The following ZCCHC8 variants were observed in gnomAD, a reference collection of about 807,000 sequenced individuals.
ZCCHC8 encodes the protein zinc finger CCHC domain-containing protein 8.
ZCCHC8 carries 27 observed loss-of-function variants against 70.6 expected under a neutral mutation model. The observed-to-expected ratio is 0.38, with a 90% CI of 0.28 to 0.53. The LOEUF is 0.53. Ranked by LOEUF, ZCCHC8 falls within the 20% of genes least tolerant of loss-of-function variation. The probability of loss-of-function intolerance (pLI) is 0.81; values close to 1 mark genes in which losing one functional copy is unlikely to be tolerated. For synonymous variants in ZCCHC8, 293 were observed against 317.4 expected (o/e 0.92, Z 0.82); for missense variants, 737 against 876.9 (o/e 0.84, Z 2.01).
intron 2 of ZCCHC8, among the ~76,000 whole-genome samples, chr12:122,497,366 G>GC (rs947774147): frequency 4.0e-5 from 6 of 151,000 alleles, no homozygotes; most frequent in Non-Finnish European, 8.9e-5. Context: ...ACATGGTGAA[G>GC]CCCCATCTCT....
In ZCCHC8 at chr12:122,500,594, C is replaced by G; in HGVS notation, c.199+48G>C. 6.6e-7 allele frequency: 1 copy of G among 1,518,004 alleles called. No individual in the cohort carries two copies. 94.0% of individuals were successfully genotyped at this position (1,518,004 alleles called of 1,614,324 possible). On this transcript the variant is annotated intron_variant, in intron 1 of 13. Transcript: ENST00000633063. This position sits in a 1 kb window ranked among gnomAD's most constrained non-coding sequence, Gnocchi z 4.8. The stretch of plus-strand genomic sequence containing the variant: ...TGCCCCGGCCCCACGCCTGGCGCTG[C>G]CCCGGCCCCACACCCGGGTGACAGG...
At chr12:122,484,009 T>C (rs1431256073) in intron 5 of ZCCHC8, 1 of 164,430 alleles carries the variant, frequency 6.1e-6, no homozygotes, top group African/African-American at 2.4e-5. Context: ...GAATACCCAA[T>C]GTATCCTTCA....
At chr12:122,484,981 C>T (rs1409222249) in intron 5 of ZCCHC8, among the ~76,000 whole-genome samples, 1 of 152,162 alleles carries the variant, frequency 6.6e-6, no homozygotes, top group East Asian at 1.9e-4. Flanking sequence ...TCTTCTCATC[C>T]CTCTATCTTC....
chr12:122,498,060 CATT>C (rs1957854979), intron 2 of ZCCHC8, among the ~76,000 whole-genome samples: 1 of 151,832 alleles, frequency 6.6e-6, no homozygotes, highest in African/African-American at 2.4e-5. Flanking sequence ...TTCAAAAGCA[CATT>C]ACTTTTTCTT....
At chr12:122,478,345 T>C in intron 11 of ZCCHC8, 53 bp from the exon 12 acceptor site, 1 of 1,380,038 alleles carries the variant, frequency 7.2e-7, no homozygotes, top group South Asian at 1.3e-5. Flanking sequence ...GAAAATGTCA[T>C]GTTTTGAGAT....
In ZCCHC8 at chr12:122,486,922, C is replaced by T. The variant is rs376709089; in HGVS notation, c.501+2464G>A. ...GCTTTGCCACTCACTAACCCACTGG[C>T]GAGTTACTTAGCTTTCCACCTGTTT... On this transcript the variant is annotated intron_variant, in intron 5 of 13. Transcript: ENST00000633063. Among the ~76,000 whole-genome samples, 13 of 152,298 alleles carry T rather than the reference C, an allele frequency of 8.5e-5. No homozygotes were observed. The East Asian group carries it at 2.1e-3, about 25-fold the overall frequency.
intron 2 of ZCCHC8, among the ~76,000 whole-genome samples, chr12:122,496,874 C>T (rs1346259398): frequency 3.9e-5 from 6 of 152,120 alleles, no homozygotes; most frequent in South Asian, 2.1e-4. Flanking sequence ...TGGCCGGGTG[C>T]GGTGGCTCCT....
chr12:122,499,448 A>G (rs950611662), intron 1 of ZCCHC8: 1 of 154,392 alleles, frequency 6.5e-6, no homozygotes, highest in Non-Finnish European at 1.4e-5. Context: ...TTGTATTTTT[A>G]GTAGAGACGG....
rs1957350967 is a variant in ZCCHC8 at position 122,473,470 on chromosome 12, A to G, written c.*27T>C. 1.9e-6 allele frequency: 3 copies of G among 1,601,170 alleles called. No homozygotes were observed. The highest frequency in any genetic ancestry group is 2.6e-6 in the Non-Finnish European group (3 of 1,173,478). On this transcript the variant is annotated 3_prime_UTR_variant, in exon 14 of 14. Transcript: ENST00000633063. ...ACTAATTAACGGAACAAAGTTATTA[A>G]ATAGCTCTCAGTGCTAAGTCAAGCC... is the stretch of plus-strand genomic sequence containing the variant.
rs566817171 is a variant in ZCCHC8 at position 122,481,470 on chromosome 12, A to T, written c.1018+52T>A. 1.4e-4 allele frequency: 100 copies of T among 734,636 alleles called. No homozygotes were observed. The African/African-American group carries it at 4.3e-3, about 31-fold the overall frequency. The allele number at this position is 734,636 out of a possible 1,614,324, so 45.5% of individuals were successfully genotyped here. Reference sequence around the variant, plus strand: ...CACATTTTGTTGTGATTCTTTAATTAAAAAAAAAAAGGAAACACTTAAGGT... The same window carrying T: ...CACATTTTGTTGTGATTCTTTAATTTAAAAAAAAAAGGAAACACTTAAGGT... On this transcript the variant is annotated intron_variant, in intron 10 of 13. Transcript: ENST00000633063.
chr12:122,473,787 C>CT lies in ZCCHC8; in HGVS notation c.1833dup (p.Ala612SerfsTer9). 1 of 1,613,118 alleles carries CT rather than the reference C, an allele frequency of 6.2e-7. No homozygotes were observed. The highest frequency in any genetic ancestry group is 8.5e-7 in the Non-Finnish European group (1 of 1,179,336). On this transcript the variant is annotated frameshift_variant, in exon 14 of 14. Coordinates refer to ENST00000633063, the MANE Select transcript of ZCCHC8 (RefSeq NM_017612.5). LOFTEE classifies it low-confidence loss of function (END_TRUNC). ...TCAGTGTTTACCGGAGCCAACTCTG[C>CT]TTTTTCCTTCTGACAAAGTGATGTC... is the stretch of plus-strand genomic sequence containing the variant.
Position 122,477,828 on chromosome 12 carries a change from G to C in ZCCHC8, c.1345+13C>G. On this transcript the variant is annotated intron_variant, in intron 13 of 13. Coordinates refer to ENST00000633063, the MANE Select transcript of ZCCHC8 (RefSeq NM_017612.5). ...AAAAAAGAGAGAAATCAGAGCCATA[G>C]GATGAAACCTACCTGAATCGAGCTC... 6.4e-7 allele frequency: 1 copy of C among 1,551,392 alleles called. No homozygotes were observed. Among genetic ancestry groups the C allele is most frequent in the Non-Finnish European group, 8.9e-7 (1 of 1,124,456 alleles).
At chr12:122,491,567 A>C (rs1369952191) in intron 3 of ZCCHC8, among the ~76,000 whole-genome samples, 1 of 147,714 alleles carries the variant, frequency 6.8e-6, no homozygotes, top group African/African-American at 2.5e-5. Context: ...GGTGCCTCAT[A>C]CCTGTAATCC....
At chr12:122,498,363 A>C (rs1014709577) in intron 2 of ZCCHC8, among the ~76,000 whole-genome samples, 1 of 151,982 alleles carries the variant, frequency 6.6e-6, no homozygotes, top group African/African-American at 2.4e-5. Context: ...AACTGACCTC[A>C]GTTGATCCGC....
At chr12:122,474,492 T>C (rs2137318521) in intron 13 of ZCCHC8, among the ~76,000 whole-genome samples, 1 of 152,314 alleles carries the variant, frequency 6.6e-6, no homozygotes, top group East Asian at 1.9e-4. Context: ...GATCTTCTGG[T>C]GCTAAAGGCT....
rs574933784 is a variant in ZCCHC8 at position 122,490,056 on chromosome 12, G to A, written c.423+406C>T. Among the ~76,000 whole-genome samples the A allele has an allele frequency of 1.0e-4, 15 of 150,338 alleles. No homozygotes were observed. In the East Asian group the frequency reaches 2.1e-3, roughly 21 times the overall value. On this transcript the variant is annotated intron_variant, in intron 4 of 13. Coordinates refer to ENST00000633063, the MANE Select transcript of ZCCHC8 (RefSeq NM_017612.5). ...TCTCTTTTTTTTAAAACATAAATGC[G>A]TGATCTAATATTCACATAGTAAAAC...
chr12:122,486,412 CAAAAAAAAAAAAA>C (rs762392385), intron 5 of ZCCHC8, among the ~76,000 whole-genome samples: 3 of 50,858 alleles, frequency 5.9e-5, no homozygotes, highest in Non-Finnish European at 7.9e-5. Flanking sequence ...GAGGCTGTCT[CAAAAAAAAAAAAA>C]AAAAAAAAAA....
intron 2 of ZCCHC8, among the ~76,000 whole-genome samples, chr12:122,495,110 G>T (rs530805928): frequency 6.6e-6 from 1 of 152,010 alleles, no homozygotes; most frequent in Non-Finnish European, 1.5e-5. Flanking sequence ...AGGCAATATG[G>T]CAAAAATATT....
At chr12:122,489,802 TTCAG>T (rs1489333578) in intron 4 of ZCCHC8, among the ~76,000 whole-genome samples, 4 of 152,142 alleles carry the variant, frequency 2.6e-5, no homozygotes, top group African/African-American at 4.8e-5. Context: ...AAAAATAATA[TTCAG>T]TATGAATTTT....
Sources: gnomAD v4.1 joint callset for allele counts (sites outside exome capture counted in the v4.1 genomes callset) on GRCh38, gnomAD v4.1.1 for gene constraint, Gnocchi (gnomAD v3.1) non-coding constraint, MANE v1.5 for transcripts, NCBI Gene and HGNC (gene_info 2026-07-23, HGNC 2026-07-21) for gene names.